Variants in SV2C observed in about 807,000 individuals in gnomAD.
The protein encoded by SV2C is solute carrier family 22 member B3.
SV2C carries 49 observed loss-of-function variants against 79.7 expected under a neutral mutation model. The observed-to-expected ratio is 0.61, with a 90% CI of 0.49 to 0.78. SV2C has a LOEUF of 0.78. Ranked by LOEUF, SV2C falls within the 30% of genes least tolerant of loss-of-function variation. SV2C has a pLI of 0.00. For missense variants in SV2C, 833 were observed against 912.9 expected (o/e 0.91, Z 1.13); for synonymous variants, 334 against 333.2 (o/e 1.00, Z -0.03).
chr5:76,001,906 AG>A, the SV2C span, among the ~76,000 whole-genome samples: 18 of 152,232 alleles, frequency 1.2e-4, 1 homozygote, highest in South Asian at 1.5e-3. Context: ...TCACCTGAGC[AG>A]GGTACACTGT....
At chr5:75,872,443 C>A in the SV2C span, among the ~76,000 whole-genome samples, 1 of 151,812 alleles carries the variant, frequency 6.6e-6, no homozygotes, top group Admixed American at 6.6e-5. Context: ...GGAAAAACAG[C>A]AGAAACAACA....
At chr5:76,183,096 G>A (rs1490846269) in intron 2 of SV2C, among the ~76,000 whole-genome samples, 1 of 142,914 alleles carries the variant, frequency 7.0e-6, no homozygotes, top group African/African-American at 2.7e-5. Flanking sequence ...GAGTGCAGTG[G>A]CATGATCTTG....
intron 4 of SV2C, among the ~76,000 whole-genome samples, chr5:76,282,116 G>A (rs1747216491): frequency 6.6e-6 from 1 of 152,160 alleles, no homozygotes; most frequent in South Asian, 2.1e-4. Context: ...AACATGTGAG[G>A]GGAGAAGAAA....
Position 76,295,929 on chromosome 5 carries a change from T to C in SV2C, c.1489T>C (p.Tyr497His), listed in dbSNP as rs570723672. The C allele has an allele frequency of 5.0e-6, 8 of 1,599,712 alleles. No homozygotes were observed. In the East Asian group the frequency reaches 1.8e-4, roughly 36 times the overall value. Residue 497 changes from tyrosine (Y) to histidine (H), a missense_variant, in exon 9 of 13, where the codon TAC becomes CAC. Tyr to His is a moderately conservative substitution (Grantham distance 83, BLOSUM62 2). Transcript: ENST00000502798. ...AAATCAGATTCATACTGGAATGGAA[T>C]ACGACAATGGCAGGTCTAGAAACTT... ...MENQIHTGME[Y>H]DNGRFIGVKF...
chr5:76,123,156 A>C (rs1454630023), intron 1 of SV2C, among the ~76,000 whole-genome samples: 1 of 152,124 alleles, frequency 6.6e-6, no homozygotes, highest in Non-Finnish European at 1.5e-5. Context: ...CGACACATAC[A>C]CTCTCCCAAG....
At chr5:76,350,946 G>A (rs141851318) in intron 12 of SV2C, among the ~76,000 whole-genome samples, 3,978 of 151,864 alleles carry the variant, frequency 0.026, 131 homozygotes, top group African/African-American at 0.08. Flanking sequence ...CCCGGGAGGC[G>A]GAGGTTACAT....
At chr5:75,960,602 C>A in the SV2C span, among the ~76,000 whole-genome samples, 1 of 151,802 alleles carries the variant, frequency 6.6e-6, no homozygotes, top group African/African-American at 2.4e-5. Context: ...TTGTATAGAT[C>A]TAAAGGAATA....
chr5:75,995,958 G>C, the SV2C span, among the ~76,000 whole-genome samples: 1 of 152,152 alleles, frequency 6.6e-6, no homozygotes, highest in Non-Finnish European at 1.5e-5. Context: ...ACATGTGGTA[G>C]AAAAGTGAAA....
chr5:75,943,973 AG>A, the SV2C span, among the ~76,000 whole-genome samples: 1 of 152,220 alleles, frequency 6.6e-6, no homozygotes, highest in Admixed American at 6.5e-5. Flanking sequence ...AAAGGTATAA[AG>A]CATGAATTAT....
At chr5:75,903,851 A>G in the SV2C span, among the ~76,000 whole-genome samples, 1 of 152,236 alleles carries the variant, frequency 6.6e-6, no homozygotes, top group Admixed American at 6.5e-5. Flanking sequence ...TGACAATTAC[A>G]TATTATTCTC....
chr5:76,144,315 A>C (rs1373774328), intron 2 of SV2C, among the ~76,000 whole-genome samples: 1 of 152,162 alleles, frequency 6.6e-6, no homozygotes, highest in African/African-American at 2.4e-5. Flanking sequence ...CCCTAACGAA[A>C]GCACTTTCCA....
intron 1 of SV2C, among the ~76,000 whole-genome samples, chr5:76,110,401 T>C (rs938330510): frequency 6.6e-6 from 1 of 152,184 alleles, no homozygotes; most frequent in Non-Finnish European, 1.5e-5. Context: ...CATGAATGTC[T>C]TTGGTAAGAA....
chr5:76,001,662 C>T, the SV2C span, among the ~76,000 whole-genome samples: 1 of 152,190 alleles, frequency 6.6e-6, no homozygotes, highest in East Asian at 1.9e-4. Flanking sequence ...ACGCTATTTA[C>T]AGGGAGTTAG....
rs1004733287 is a variant in SV2C at position 76,126,408 on chromosome 5, G to C, written c.-101-5242G>C. The stretch of plus-strand genomic sequence containing the variant: ...GTCAGGGATTTGGACAGGCTGGGAT[G>C]ATGGGTCAGTTTCCATTTCTTCATC... On this transcript the variant is annotated intron_variant, in intron 1 of 12. Transcript: ENST00000502798. 3.9e-5 allele frequency among the ~76,000 whole-genome samples: 6 copies of C among 152,170 alleles called. 1 individual carries two copies. Among genetic ancestry groups the C allele is most frequent in the Admixed American group, 3.9e-4 (6 of 15,284 alleles).
At chr5:76,128,413 A>G (rs1377682513) in intron 1 of SV2C, among the ~76,000 whole-genome samples, 2 of 152,224 alleles carry the variant, frequency 1.3e-5, no homozygotes, top group African/African-American at 2.4e-5. Flanking sequence ...AGTGTAGGAA[A>G]AAAAGTTACT....
the SV2C span, among the ~76,000 whole-genome samples, chr5:75,870,484 TA>T: frequency 6.8e-6 from 1 of 147,038 alleles, no homozygotes; most frequent in Non-Finnish European, 1.5e-5. Context: ...TAAAAAAAAT[TA>T]AAAAAAATGA....
chr5:75,948,383 C>T, the SV2C span, among the ~76,000 whole-genome samples: 1 of 152,008 alleles, frequency 6.6e-6, no homozygotes, highest in African/African-American at 2.4e-5. Flanking sequence ...TTGAGTACTC[C>T]CTATGCTAGC....
At chr5:76,053,475 A>G in the SV2C span, among the ~76,000 whole-genome samples, 1 of 152,230 alleles carries the variant, frequency 6.6e-6, no homozygotes, top group Non-Finnish European at 1.5e-5. Context: ...AACGTGTGAC[A>G]ATTTATGGTC....
the SV2C span, among the ~76,000 whole-genome samples, chr5:76,058,142 G>C: frequency 6.6e-6 from 1 of 152,214 alleles, no homozygotes; most frequent in African/African-American, 2.4e-5. Flanking sequence ...TGCCAGAGGT[G>C]CAAGGTGCAG....
Sources: gnomAD v4.1 joint callset for allele counts (sites outside exome capture counted in the v4.1 genomes callset) on GRCh38, gnomAD v4.1.1 for gene constraint, MANE v1.5 for transcripts, NCBI Gene and HGNC (gene_info 2026-07-23, HGNC 2026-07-21) for gene names.